Variants in BSPRY observed in about 807,000 individuals in gnomAD.
The protein encoded by BSPRY is B-box and SPRY domain containing.
In BSPRY, 33 loss-of-function variants were observed where a neutral mutation model predicts 38.0. That is an observed-to-expected ratio of 0.87 (90% confidence interval 0.66 to 1.16). BSPRY has a LOEUF of 1.16. Ranked by LOEUF, BSPRY falls within the 50% of genes most tolerant of loss-of-function variation. The pLI, the probability that BSPRY is intolerant of heterozygous loss-of-function variation, is 0.00. For missense variants in BSPRY, 523 were observed against 533.2 expected (o/e 0.98, Z 0.19); for synonymous variants, 224 against 228.5 (o/e 0.98, Z 0.18).
chr9:113,369,838 TGGCTTCA>T lies in BSPRY; in HGVS notation c.909_915del (p.Ser304ThrfsTer51). 6.2e-7 allele frequency: 1 copy of T among 1,614,214 alleles called. No individual in the cohort carries two copies. ...AACAGTTGTGCCTATAAGGTGGGCG[TGGCTTCA>T]GGCCACCTGCCCCGCAAGGGTTCTG... On this transcript the variant is annotated frameshift_variant, in exon 6 of 6. Transcript: ENST00000374183. LOFTEE classifies it high-confidence loss of function.
At chr9:113,363,203 T>G (rs560707680) in intron 4 of BSPRY, among the ~76,000 whole-genome samples, 8 of 152,292 alleles carry the variant, frequency 5.3e-5, no homozygotes, top group Admixed American at 2.0e-4. Context: ...TCCAGCACTT[T>G]GGGAGGCCAA....
Position 113,360,498 on chromosome 9 carries a change from C to T in BSPRY, c.301-9C>T, listed in dbSNP as rs1423489280. Reference sequence around the variant, plus strand: ...AGACCACCCAACTCCTCATTTTATCCCTCATTAGAGCATGGCCAGTGCAGC... The same window carrying T: ...AGACCACCCAACTCCTCATTTTATCTCTCATTAGAGCATGGCCAGTGCAGC... On this transcript the variant is annotated splice_polypyrimidine_tract_variant and intron_variant, in intron 2 of 5. Coordinates refer to ENST00000374183, the MANE Select transcript of BSPRY (RefSeq NM_017688.3). 25 of 1,582,300 alleles carry T rather than the reference C, an allele frequency of 1.6e-5. No individual in the cohort carries two copies. Among genetic ancestry groups the T allele is most frequent in the African/African-American group, 2.7e-5 (2 of 74,712 alleles).
Position 113,369,684 on chromosome 9 carries a change from A to G in BSPRY, c.751A>G (p.Thr251Ala), listed in dbSNP as rs779038891. Residue 251 changes from threonine (T) to alanine (A), a missense_variant, in exon 6 of 6, where the codon ACC (threonine) becomes GCC (alanine). Transcript: ENST00000374183. ...CCTGCAATTGTCAGATGATCGAAAG[A>G]CCCTGACCTTCAGCACCAAGAAGTC... ...PFLQLSDDRKTLTFSTKKSKA... is the reference protein window; with the variant it reads ...PFLQLSDDRKALTFSTKKSKA... 3 of 1,614,042 alleles carry G rather than the reference A, an allele frequency of 1.9e-6. No homozygotes were observed. In the African/African-American group the frequency reaches 4.0e-5, roughly 22 times the overall value.
At chr9:113,360,892 G>A (rs958221134) in intron 3 of BSPRY, among the ~76,000 whole-genome samples, 155 bp downstream of exon 3, 2 of 152,210 alleles carry the variant, frequency 1.3e-5, no homozygotes, top group Non-Finnish European at 2.9e-5. Flanking sequence ...CTTTAGTCAG[G>A]CTTCTGAGCC....
chr9:113,355,788 G>A (rs10119865), intron 2 of BSPRY, among the ~76,000 whole-genome samples: 50,843 of 151,560 alleles, frequency 0.34, 11,001 homozygotes, highest in African/African-American at 0.61. Context: ...CTAATTTTTT[G>A]TATTTTTAGT....
chr9:113,367,517 CT>C (rs1301894690), intron 4 of BSPRY, among the ~76,000 whole-genome samples: 1 of 152,170 alleles, frequency 6.6e-6, no homozygotes, highest in Non-Finnish European at 1.5e-5. Flanking sequence ...GGAAACATGA[CT>C]GCCCCAACAG....
At chr9:113,357,068 G>C (rs1045502002) in intron 2 of BSPRY, among the ~76,000 whole-genome samples, 1 of 152,088 alleles carries the variant, frequency 6.6e-6, no homozygotes, top group Non-Finnish European at 1.5e-5. Context: ...GTGTAGACAC[G>C]AAAGAGCAGC....
At chr9:113,355,342 C>T (rs1834040516) in intron 2 of BSPRY, among the ~76,000 whole-genome samples, 1 of 152,098 alleles carries the variant, frequency 6.6e-6, no homozygotes, top group South Asian at 2.1e-4. Context: ...GGAACAGAAC[C>T]CAGTTGAACA....
At chr9:113,366,892 A>G (rs774552886) in intron 4 of BSPRY, among the ~76,000 whole-genome samples, 2 of 152,196 alleles carry the variant, frequency 1.3e-5, no homozygotes, top group Non-Finnish European at 2.9e-5. Context: ...TGCCCACTCC[A>G]TTTATGCACA....
At chr9:113,355,467 C>T (rs1274134001) in intron 2 of BSPRY, among the ~76,000 whole-genome samples, 1 of 152,158 alleles carries the variant, frequency 6.6e-6, no homozygotes, top group African/African-American at 2.4e-5. Context: ...TACTTGGTGC[C>T]CATCTATGCT....
chr9:113,369,605 C>A lies in BSPRY; in HGVS notation c.683-11C>A. On this transcript the variant is annotated splice_polypyrimidine_tract_variant and intron_variant, in intron 5 of 5. Transcript: ENST00000374183. ...TGGGCCCTCGGCAACTCTGAGAATT[C>A]TTTCTGGCAGGCACAGAGGACATAC... 4 of 1,592,614 alleles carry A rather than the reference C, an allele frequency of 2.5e-6. No individual in the cohort carries two copies. Among genetic ancestry groups the A allele is most frequent in the South Asian group, 2.3e-5 (2 of 88,238 alleles).
intron 1 of BSPRY, among the ~76,000 whole-genome samples, chr9:113,352,429 TC>T (rs1265833967): frequency 2.0e-5 from 3 of 151,694 alleles, no homozygotes; most frequent in Non-Finnish European, 4.4e-5. Flanking sequence ...AGGGAGATGG[TC>T]AGGGAAGACC....
chr9:113,357,884 TTCTATATATATATATA>T, intron 2 of BSPRY, among the ~76,000 whole-genome samples: 1 of 87,260 alleles, frequency 1.1e-5, no homozygotes, highest in Non-Finnish European at 2.3e-5. Context: ...GCCTGTAGAG[TTCTATATATATATATA>T]TATATATATA....
At chr9:113,355,759 C>A (rs10119792) in intron 2 of BSPRY, among the ~76,000 whole-genome samples, 5 of 151,794 alleles carry the variant, frequency 3.3e-5, no homozygotes, top group Non-Finnish European at 7.4e-5. Context: ...GGATTACAAG[C>A]GCCCACCACG....
chr9:113,355,286 C>T (rs1409956383), intron 2 of BSPRY, among the ~76,000 whole-genome samples: 3 of 152,170 alleles, frequency 2.0e-5, no homozygotes, highest in East Asian at 1.9e-4. Flanking sequence ...CTATAGTACA[C>T]GGAACAGACT....
intron 5 of BSPRY, among the ~76,000 whole-genome samples, chr9:113,369,036 C>A (rs1264543268): frequency 6.7e-6 from 1 of 150,246 alleles, no homozygotes; most frequent in Admixed American, 6.6e-5. Flanking sequence ...ATTATCCTTA[C>A]AATTTTGGTA....
At position 113,362,350 on chromosome 9, in the gene BSPRY, T is replaced by C. The variant is rs1834169358; in HGVS notation, c.532-19T>C. ...TGGGTATCTGGTGCCAAGCTTGACT[T>C]TGTTTTCTTTTCTCACAGCAGAAGG... On this transcript the variant is annotated intron_variant, in intron 3 of 5. Coordinates refer to ENST00000374183, the MANE Select transcript of BSPRY (RefSeq NM_017688.3). 5 of 1,614,072 alleles carry C rather than the reference T, an allele frequency of 3.1e-6. No homozygotes were observed. Among genetic ancestry groups the C allele is most frequent in the Non-Finnish European group, 4.2e-6 (5 of 1,179,958 alleles).
Position 113,368,364 on chromosome 9 carries a change from G to A in BSPRY, c.663G>A (p.Ala221=), listed in dbSNP as rs771945809. The change falls in exon 5 of 6, where the codon GCG becomes GCA. Residue 221 remains alanine, a synonymous_variant. Transcript: ENST00000374183. The part of the protein sequence containing the change: ...SPLLTQLWAT[A]VLGSLSGTED... The stretch of plus-strand genomic sequence containing the variant: ...TACTGACCCAACTCTGGGCAACGGC[G>A]GTTCTTGGGTCTCTCTCAGGTTAGG... 34 of 1,613,998 alleles carry A rather than the reference G, an allele frequency of 2.1e-5. No homozygotes were observed. Among genetic ancestry groups the A allele is most frequent in the South Asian group, 4.4e-5 (4 of 91,066 alleles).
chr9:113,363,904 A>C (rs1357720383), intron 4 of BSPRY, among the ~76,000 whole-genome samples: 1 of 132,564 alleles, frequency 7.5e-6, no homozygotes, highest in Non-Finnish European at 1.6e-5. Context: ...AAAAAAAAAA[A>C]AAAGCTGGGC....
Sources: gnomAD v4.1 joint callset for allele counts (sites outside exome capture counted in the v4.1 genomes callset) on GRCh38, gnomAD v4.1.1 for gene constraint, MANE v1.5 for transcripts, NCBI Gene and HGNC (gene_info 2026-07-23, HGNC 2026-07-21) for gene names.